The following ITPR1 variants were observed in gnomAD, a reference collection of about 807,000 sequenced individuals.
The protein encoded by ITPR1 is inositol 1,4,5-trisphosphate-gated calcium channel ITPR1.
A neutral mutation model predicts 318.4 loss-of-function variants in ITPR1; 96 were observed. That is an observed-to-expected ratio of 0.30 (90% CI 0.26 to 0.36). ITPR1 has a LOEUF of 0.36. Ranked by LOEUF, ITPR1 falls within the 10% of genes least tolerant of loss-of-function variation. ITPR1 has a pLI of 1.00. For synonymous variants in ITPR1, 1,312 were observed against 1,289.9 expected, an observed-to-expected ratio of 1.02 and a Z score of -0.37; for missense variants, 2,440 against 3,460.2, an observed-to-expected ratio of 0.71 and a Z score of 7.40.
At chr3:4,754,915 G>T (rs1379882534) in intron 44 of ITPR1, among the ~76,000 whole-genome samples, 1 of 152,222 alleles carries the variant, frequency 6.6e-6, no homozygotes, top group Non-Finnish European at 1.5e-5. Context: ...TTCATGACTT[G>T]GCTGGAAGAG....
chr3:4,523,027 C>T lies in ITPR1; in HGVS notation c.163+1933C>T, dbSNP rs571028097. On this transcript the variant is annotated intron_variant, in intron 4 of 61. Transcript: ENST00000649015. ...ATTTTTGAAAGCTTCTCAGGTGTTT[C>T]TCTTGTGCTGCCAAGGTTAAGAACC... Among the ~76,000 whole-genome samples the T allele has an allele frequency of 2.6e-5, 4 of 152,310 alleles. No homozygotes were observed. The East Asian group carries it at 7.7e-4, about 29-fold the overall frequency.
In ITPR1 at chr3:4,699,170, G is replaced by A. The variant is rs370523614; in HGVS notation, c.4408-643G>A. 8.1e-5 allele frequency among the ~76,000 whole-genome samples: 12 copies of A among 148,162 alleles called. No homozygotes were observed. The East Asian group carries it at 1.2e-3, about 14-fold the overall frequency. On this transcript the variant is annotated intron_variant, in intron 34 of 61. Coordinates refer to ENST00000649015, the MANE Select transcript of ITPR1 (RefSeq NM_001378452.1). ...TCGAGACCAGCCTGGCCAATGTGGC[G>A]AAACCCCATCTCTACTAAAAAAAAA...
chr3:4,673,234 G>A lies in ITPR1; in HGVS notation c.2303G>A (p.Cys768Tyr). The A allele has an allele frequency of 6.2e-7, 1 of 1,614,004 alleles. No individual in the cohort carries two copies. Among genetic ancestry groups the A allele is most frequent in the Non-Finnish European group, 8.5e-7 (1 of 1,179,884 alleles). Residue 768 changes from cysteine (C) to tyrosine (Y), a missense_variant, in exon 21 of 62, where the codon TGC becomes TAC. By Grantham distance (194) the Cys-to-Tyr change is radical (BLOSUM62 -2). Around this residue, in one of 23 missense-constraint regions of ITPR1, gnomAD observed 478 missense variants for 696.3 expected, o/e 0.69. Coordinates refer to ENST00000649015, the MANE Select transcript of ITPR1 (RefSeq NM_001378452.1). The stretch of plus-strand genomic sequence containing the variant: ...CTGGATGTCGATCTCATTCTCCGCT[G>A]CATGTCTGACGAGAACCTGCCCTAT... ...GQLDVDLILRCMSDENLPYDL... is the reference protein window; with the variant it reads ...GQLDVDLILRYMSDENLPYDL...
intron 4 of ITPR1, among the ~76,000 whole-genome samples, chr3:4,549,637 C>G (rs1009329580): frequency 1.3e-5 from 2 of 152,038 alleles, no homozygotes; most frequent in Non-Finnish European, 2.9e-5. Context: ...TGCTGTCTTC[C>G]ATCTGAAAAG....
chr3:4,778,077 A>C (rs1339313055), intron 48 of ITPR1, among the ~76,000 whole-genome samples: 7 of 152,222 alleles, frequency 4.6e-5, no homozygotes, highest in African/African-American at 1.7e-4. Context: ...CTAAACCTGC[A>C]GCATTTCCAA....
chr3:4,632,854 G>A (rs2093055378), intron 5 of ITPR1, among the ~76,000 whole-genome samples: 1 of 139,044 alleles, frequency 7.2e-6, no homozygotes, highest in South Asian at 2.3e-4. Context: ...CTCTCATGCT[G>A]TTTATGTTTT....
intron 30 of ITPR1, 43 bp from the exon 31 acceptor site, chr3:4,688,452 C>T (rs186567095): frequency 1.0e-4 from 166 of 1,608,936 alleles, no homozygotes; most frequent in Admixed American, 1.7e-4. Context: ...AGCTGGTCTC[C>T]TGGCCCAGCA....
At chr3:4,659,188 GTTGTGTTTCATCCA>G (rs1054502909) in intron 13 of ITPR1, among the ~76,000 whole-genome samples, 2 of 152,002 alleles carry the variant, frequency 1.3e-5, no homozygotes, top group Non-Finnish European at 2.9e-5. Context: ...TGAAGTATTA[GTTGTGTTTCATCCA>G]TTCAGAGGTA....
At chr3:4,822,711 C>T (rs1468191039) in intron 60 of ITPR1, among the ~76,000 whole-genome samples, 5 of 152,120 alleles carry the variant, frequency 3.3e-5, no homozygotes, top group Non-Finnish European at 7.3e-5. Flanking sequence ...TGATGGAAGG[C>T]GATGCTGTCG....
At chr3:4,504,332 G>GT (rs1166078294) in intron 2 of ITPR1, among the ~76,000 whole-genome samples, 1 of 152,170 alleles carries the variant, frequency 6.6e-6, no homozygotes, top group Non-Finnish European at 1.5e-5. Context: ...GAGCAACGTT[G>GT]TATTATACTA....
At chr3:4,589,336 A>G (rs371390222) in intron 4 of ITPR1, among the ~76,000 whole-genome samples, 21 of 152,140 alleles carry the variant, frequency 1.4e-4, no homozygotes, top group East Asian at 7.7e-4. Context: ...GGCCCATTTC[A>G]TGACCCAGTT....
intron 29 of ITPR1, 147 bp downstream of exon 29, chr3:4,684,493 C>G: frequency 1.6e-6 from 1 of 635,060 alleles, no homozygotes; most frequent in Non-Finnish European, 2.8e-6. Context: ...AGAGGTTAAG[C>G]TCATGGGTTT....
intron 4 of ITPR1, among the ~76,000 whole-genome samples, chr3:4,593,102 A>C (rs1177200652): frequency 2.0e-5 from 3 of 152,204 alleles, no homozygotes; most frequent in Non-Finnish European, 4.4e-5. Flanking sequence ...TGTGTGATTT[A>C]GAAATCTAAA....
chr3:4,688,602 C>T lies in ITPR1; in HGVS notation c.3810C>T (p.Asn1270=), dbSNP rs2094433873. Residue 1270 remains asparagine, a synonymous_variant, in exon 31 of 62, where the codon AAC becomes AAT. Coordinates refer to ENST00000649015, the MANE Select transcript of ITPR1 (RefSeq NM_001378452.1). ...QNQALLHKHI[N]LFLNPGILEA... ...AAGCTTTGCTACATAAACACATAAA[C>T]CTGTTTCTCAACCCAGGGGTAAGAC... 1 of 1,613,900 alleles carries T rather than the reference C, an allele frequency of 6.2e-7. No individual in the cohort carries two copies. Among genetic ancestry groups the T allele is most frequent in the Non-Finnish European group, 8.5e-7 (1 of 1,179,808 alleles).
intron 2 of ITPR1, among the ~76,000 whole-genome samples, chr3:4,515,612 C>G (rs868676500): frequency 6.6e-6 from 1 of 151,996 alleles, no homozygotes; most frequent in African/African-American, 2.4e-5. Context: ...TATTTATGGC[C>G]CTGATGAAAG....
chr3:4,658,797 G>A (rs1211745824), intron 13 of ITPR1, among the ~76,000 whole-genome samples: 3 of 151,540 alleles, frequency 2.0e-5, no homozygotes, highest in Admixed American at 2.0e-4. Flanking sequence ...CATTTTTCAG[G>A]GGACATAACT....
chr3:4,493,441 C>A lies in ITPR1; in HGVS notation c.-257C>A. ...GAGGAGGTGGTGGTGGAGGAGGAGG[C>A]AGGGGGTGGAGAGAGAGAAAGCGCA... On this transcript the variant is annotated 5_prime_UTR_variant, in exon 1 of 62. Transcript: ENST00000649015. 6.5e-6 allele frequency: 1 copy of A among 154,670 alleles called. No individual in the cohort carries two copies. The allele number at this position is 154,670 out of a possible 1,614,324, so 9.6% of individuals were successfully genotyped here.
In ITPR1 at chr3:4,693,493, G is replaced by T. The variant is rs747534466; in HGVS notation, c.4033G>T (p.Val1345Phe). The change falls in exon 33 of 62, where the codon GTC (valine) becomes TTC (phenylalanine). Residue 1345 changes from valine to phenylalanine, a missense_variant. Val to Phe is a conservative substitution (Grantham distance 50). Coordinates refer to ENST00000649015, the MANE Select transcript of ITPR1 (RefSeq NM_001378452.1). ...KCQDMVMAEL[V>F]NSGEDVLVFY... ...ACCCACCCTGTTCTTTATGTAGCTG[G>T]TCAATTCGGGAGAGGATGTCCTCGT... 1 of 1,613,424 alleles carries T rather than the reference G, an allele frequency of 6.2e-7. No individual in the cohort carries two copies. The highest frequency in any genetic ancestry group is 8.5e-7 in the Non-Finnish European group (1 of 1,179,390).
chr3:4,571,511 T>G (rs1251237739), intron 4 of ITPR1, among the ~76,000 whole-genome samples: 2 of 152,022 alleles, frequency 1.3e-5, no homozygotes, highest in Non-Finnish European at 2.9e-5. Flanking sequence ...GTTTAAGTTT[T>G]TAAAATTTTA....
Sources: gnomAD v4.1 joint callset for allele counts (sites outside exome capture counted in the v4.1 genomes callset) on GRCh38, gnomAD v4.1.1 for gene constraint, gnomAD v4.1.1 regional missense constraint, MANE v1.5 for transcripts, NCBI Gene and HGNC (gene_info 2026-07-23, HGNC 2026-07-21) for gene names.